Variants in CLEC4F observed in about 807,000 individuals in gnomAD.
CLEC4F encodes the protein C-type (calcium dependent, carbohydrate-recognition domain) lectin, superfamily member 13.
A neutral mutation model predicts 53.4 loss-of-function variants in CLEC4F; 45 were observed. The ratio of observed to expected loss-of-function variants is 0.84; its 90% confidence interval spans 0.66 to 1.08. CLEC4F has a LOEUF of 1.08. Among genes scored for constraint, CLEC4F ranks in the 50% least tolerant of loss-of-function variants. CLEC4F has a pLI of 0.00. For synonymous variants in CLEC4F, 245 were observed against 257.5 expected (o/e 0.95, Z 0.46); for missense variants, 753 against 698.2 (o/e 1.08, Z -0.88).
At chr2:70,809,992 C>T in intron 5 of CLEC4F, 135 bp from the exon 6 acceptor site, 2 of 655,524 alleles carry the variant, frequency 3.1e-6, no homozygotes, top group South Asian at 3.6e-5. Context: ...TTTTAAAACA[C>T]TTTTATCTCA....
At chr2:70,818,225 T>C (rs1043062578) in intron 3 of CLEC4F, among the ~76,000 whole-genome samples, 5 of 152,170 alleles carry the variant, frequency 3.3e-5, no homozygotes, top group South Asian at 2.1e-4. Flanking sequence ...TTTGTAAAGA[T>C]AGACAAACAA....
rs144405556 is a variant in CLEC4F, at chr2:70,816,484, G to A, written c.897C>T (p.Asn299=). ...KENLQNTNAL[N]SQTQAFIKSS... ...TTTTTATAAAGGCCTGGGTCTGGGA[G>A]TTTAAAGCATTTGTGTTCTGCAAAT... The change falls in exon 4 of 7, where the codon AAC becomes AAT. Residue 299 remains asparagine (N), a synonymous_variant. Transcript: ENST00000272367. 3.0e-4 allele frequency: 479 copies of A among 1,614,202 alleles called. 5 individuals are homozygous for A. The African/African-American group carries it at 5.2e-3, about 17-fold the overall frequency.
At position 70,820,580 on chromosome 2, in the gene CLEC4F, T is replaced by TC; in HGVS notation, c.-58dup. On this transcript the variant is annotated 5_prime_UTR_variant, in exon 1 of 7. Transcript: ENST00000272367. ...CAGCCACTGGCTCCTGGAAGGGCCG[T>TC]CCCGTGGACCAATGGCAGTGGAAGC... 1 of 1,522,194 alleles carries TC rather than the reference T, an allele frequency of 6.6e-7. No homozygotes were observed. 94.3% of individuals were successfully genotyped at this position (1,522,194 alleles called of 1,614,324 possible). A position where few individuals can be genotyped will look rare whatever the true frequency, so the allele number is the denominator to read the frequency against.
At chr2:70,821,256 GT>G (rs1194565965), upstream of CLEC4F, among the ~76,000 whole-genome samples, 1 of 152,132 alleles carries the variant, frequency 6.6e-6, no homozygotes, top group Admixed American at 6.5e-5. Flanking sequence ...TGACAGGAGT[GT>G]TTTTTGTTAT....
chr2:70,809,622 C>A, intron 6 of CLEC4F, 117 bp downstream of exon 6: 1 of 814,404 alleles, frequency 1.2e-6, no homozygotes, highest in South Asian at 1.5e-5. Flanking sequence ...ACACACCACA[C>A]ACGTCACACA....
intron 4 of CLEC4F, among the ~76,000 whole-genome samples, chr2:70,813,882 T>C (rs918892879): frequency 3.3e-5 from 5 of 152,128 alleles, no homozygotes; most frequent in African/African-American, 1.2e-4. Flanking sequence ...TTTTGCCATG[T>C]TGGCCAAGCT....
upstream of CLEC4F, among the ~76,000 whole-genome samples, chr2:70,823,612 G>A (rs970508062): frequency 6.6e-6 from 1 of 152,070 alleles, no homozygotes. Flanking sequence ...CCACCCTCCG[G>A]GCCCTAGCTC....
At position 70,816,252 on chromosome 2, in the gene CLEC4F, G is replaced by A. The variant is rs782782745; in HGVS notation, c.1129C>T (p.Gln377Ter). The A allele has an allele frequency of 8.1e-6, 13 of 1,614,206 alleles. No individual in the cohort carries two copies. Among genetic ancestry groups the A allele is most frequent in the Non-Finnish European group, 1.1e-5 (13 of 1,180,034 alleles). ...ENVNTLNAQI[Q>*]VLNGHMKNAS... is the part of the protein sequence containing the mutation. ...TTTTTCATATGACCATTTAAGACCT[G>A]AATCTGGGCATTTAAGGTATTCACA... is the stretch of plus-strand genomic sequence containing the variant. Residue 377 changes from glutamine to a stop codon, truncating the protein, a stop_gained, in exon 4 of 7, where the codon CAG becomes TAG. Transcript: ENST00000272367. LOFTEE classifies it high-confidence loss of function.
intron 5 of CLEC4F, chr2:70,811,609 A>T (rs1676568656): frequency 3.3e-6 from 1 of 300,724 alleles, no homozygotes; most frequent in Non-Finnish European, 6.5e-6. Context: ...TGGACCACAA[A>T]CATTGTGGTT....
upstream of CLEC4F, among the ~76,000 whole-genome samples, chr2:70,823,893 G>A (rs1217938794): frequency 4.6e-5 from 7 of 151,988 alleles, no homozygotes; most frequent in African/African-American, 1.7e-4. Context: ...AACTGGGCAT[G>A]GTGGCAGGTG....
At chr2:70,811,467 A>G in intron 5 of CLEC4F, 1 of 553,662 alleles carries the variant, frequency 1.8e-6, no homozygotes, top group Non-Finnish European at 3.5e-6. Flanking sequence ...CCCCTCTGCC[A>G]TGACCATAGT....
chr2:70,809,708 T>C, intron 6 of CLEC4F, 31 bp downstream of exon 6: 1 of 1,541,988 alleles, frequency 6.5e-7, no homozygotes, highest in African/African-American at 1.4e-5. Context: ...AGACAGTGCC[T>C]GGGACAGCGC....
chr2:70,816,711 A>G lies in CLEC4F; in HGVS notation c.670T>C (p.Ser224Pro). ...VLSRGLENAN[S>P]EIQMLNASLE... ...CTGGCATTCAACATCTGAATTTCAG[A>G]GTTTGCATTTTCTAAGCCTCTGCTT... The change falls in exon 4 of 7, where the codon TCT (serine) becomes CCT (proline). Residue 224 changes from serine to proline, a missense_variant. Coordinates refer to ENST00000272367, the MANE Select transcript of CLEC4F (RefSeq NM_173535.3). 6.2e-7 allele frequency: 1 copy of G among 1,614,126 alleles called. No individual in the cohort carries two copies. The highest frequency in any genetic ancestry group is 8.5e-7 in the Non-Finnish European group (1 of 1,180,028).
Position 70,809,310 on chromosome 2 carries a change from G to T in CLEC4F, c.1731C>A (p.Phe577Leu). The T allele has an allele frequency of 6.2e-7, 1 of 1,614,014 alleles. No individual in the cohort carries two copies. Among genetic ancestry groups the T allele is most frequent in the Non-Finnish European group, 8.5e-7 (1 of 1,179,974 alleles). The part of the protein sequence containing the change: ...IVNSGMGACS[F>L]IDTPPCPWIL... ...TCCAGGGACAGGGAGGGGTGTCTAT[G>T]AAGCTGCAAGCTCCCATCCCAGAAT... Residue 577 changes from phenylalanine (F) to leucine (L), a missense_variant, in exon 7 of 7, where the codon TTC becomes TTA. Phe to Leu is a conservative substitution (Grantham distance 22, BLOSUM62 0). Transcript: ENST00000272367.
intron 3 of CLEC4F, among the ~76,000 whole-genome samples, chr2:70,818,292 A>G (rs2104671642): frequency 6.6e-6 from 1 of 152,354 alleles, no homozygotes; most frequent in African/African-American, 2.4e-5. Context: ...TGGACAATCG[A>G]ATTTCAACAA....
Position 70,810,618 on chromosome 2 carries a change from C to CAAAAAAA in CLEC4F, c.1540-768_1540-762dup, listed in dbSNP as rs58138583. 4.0e-3 allele frequency among the ~76,000 whole-genome samples: 197 copies of CAAAAAAA among 48,796 alleles called. 6 individuals are homozygous for CAAAAAAA. Among genetic ancestry groups the CAAAAAAA allele is most frequent in the African/African-American group, 0.011 (176 of 15,510 alleles). 32.0% of individuals were successfully genotyped at this position (48,796 alleles called of 152,430 possible). The stretch of plus-strand genomic sequence containing the variant: ...TGGGCAATAGAGCGAAACTCTGTCG[C>CAAAAAAA]AAAAAAAAAAAAAAAAAAAAAAAGT... On this transcript the variant is annotated intron_variant, in intron 5 of 6. Transcript: ENST00000272367.
upstream of CLEC4F, among the ~76,000 whole-genome samples, chr2:70,821,303 T>C (rs1442936513): frequency 6.6e-6 from 1 of 152,184 alleles, no homozygotes; most frequent in Non-Finnish European, 1.5e-5. Flanking sequence ...CTTGGGTTTA[T>C]GCTAATGAGG....
chr2:70,819,989 G>C, intron 1 of CLEC4F, 98 bp from the exon 2 acceptor site: 1 of 790,786 alleles, frequency 1.3e-6, no homozygotes, highest in Non-Finnish European at 2.0e-6. Flanking sequence ...TCTGTTTCCT[G>C]GGTTGTCTAA....
intron 4 of CLEC4F, among the ~76,000 whole-genome samples, chr2:70,813,502 CTTTCTTTCT>C (rs1386804091): frequency 9.1e-6 from 1 of 109,628 alleles, no homozygotes; most frequent in South Asian, 3.3e-4. Flanking sequence ...CTTTTTCTTT[CTTTCTTTCT>C]TTTCTTTCTT....
Sources: allele counts gnomAD v4.1 joint callset (sites outside exome capture counted in the v4.1 genomes callset), GRCh38; gene constraint gnomAD v4.1.1; transcripts MANE v1.5; gene names NCBI Gene and HGNC (gene_info 2026-07-23, HGNC 2026-07-21).